The following NAPG variants were observed in gnomAD, a reference collection of about 807,000 sequenced individuals.
NAPG encodes the protein NSF attachment protein gamma.
A neutral mutation model predicts 48.4 loss-of-function variants in NAPG; 25 were observed. The observed-to-expected ratio is 0.52, with a 90% CI of 0.38 to 0.72. The LOEUF is 0.72. Among genes scored for constraint, NAPG ranks in the 30% least tolerant of loss-of-function variants. NAPG has a pLI of 0.00. For synonymous variants in NAPG, 139 were observed against 127.2 expected (o/e 1.09, Z -0.62); for missense variants, 359 against 372.5 (o/e 0.96, Z 0.30).
chr18:10,532,594 C>A, intron 2 of NAPG, 117 bp from the exon 3 acceptor site: 1 of 697,022 alleles, frequency 1.4e-6, no homozygotes, highest in Admixed American at 3.3e-5. Context: ...TTTTAGGATA[C>A]TTCCTAAGTA....
chr18:10,543,186 G>A lies in NAPG; in HGVS notation c.506+2787G>A, dbSNP rs1045368642. Among the ~76,000 whole-genome samples the A allele has an allele frequency of 1.3e-5, 2 of 151,614 alleles. No homozygotes were observed. The highest frequency in any genetic ancestry group is 4.8e-5 in the African/African-American group (2 of 41,268). The stretch of plus-strand genomic sequence containing the variant: ...GAAAAAAAGACCTTTCCAGCAAGTT[G>A]ATCATGACCTTGTGCCTCTGAGAGA... On this transcript the variant is annotated intron_variant, in intron 8 of 11. Transcript: ENST00000322897. The surrounding 1 kb of genome is among the most constrained non-coding windows in gnomAD (Gnocchi z 4.4).
intron 3 of NAPG, 34 bp downstream of exon 3, chr18:10,532,829 A>T: frequency 6.7e-7 from 1 of 1,482,044 alleles, no homozygotes. Context: ...GAAATTAAAC[A>T]ATTAGATGAT....
chr18:10,528,955 A>G (rs913952649), intron 1 of NAPG, among the ~76,000 whole-genome samples: 2 of 152,242 alleles, frequency 1.3e-5, no homozygotes, highest in African/African-American at 2.4e-5. Flanking sequence ...ATCCCCACAC[A>G]GATGGTAATT....
chr18:10,527,200 A>AG, intron 1 of NAPG, among the ~76,000 whole-genome samples: 1 of 150,754 alleles, frequency 6.6e-6, no homozygotes, highest in African/African-American at 2.4e-5. Flanking sequence ...AAAAAAAAAA[A>AG]AAAAAGAAAA....
At chr18:10,530,872 T>G (rs776112527) in intron 2 of NAPG, 35 bp downstream of exon 2, 227 of 1,469,934 alleles carry the variant, frequency 1.5e-4, no homozygotes, top group Non-Finnish European at 2.0e-4. Flanking sequence ...CTCCAGTATG[T>G]AATCTTAAAA....
Position 10,546,388 on chromosome 18 carries a change from A to G in NAPG, c.569A>G (p.Tyr190Cys). Residue 190 changes from tyrosine (Y) to cysteine (C), a missense_variant, in exon 9 of 12, where the codon TAT (tyrosine) becomes TGT (cysteine). Tyr to Cys is a radical substitution (Grantham distance 194). Coordinates refer to ENST00000322897, the MANE Select transcript of NAPG (RefSeq NM_003826.3). This position sits in a 1 kb window ranked among gnomAD's most constrained non-coding sequence, Gnocchi z 4.0. ...AATATTTATAAGGAAATTGAGAATT[A>G]TCCAACTTGTTATAAGGTATTCTTT... ...EKNIYKEIEN[Y>C]PTCYKKTIAQ... 6.4e-7 allele frequency: 1 copy of G among 1,556,834 alleles called. No homozygotes were observed. Among genetic ancestry groups the G allele is most frequent in the Non-Finnish European group, 8.7e-7 (1 of 1,143,228 alleles).
At chr18:10,533,795 T>G (rs1044787757) in intron 4 of NAPG, among the ~76,000 whole-genome samples, 2 of 127,050 alleles carry the variant, frequency 1.6e-5, no homozygotes, top group East Asian at 4.9e-4. Context: ...TTCAGTAGCC[T>G]ATGGGAAAAA....
At chr18:10,549,467 T>C (rs2032341021) in intron 11 of NAPG, among the ~76,000 whole-genome samples, 1 of 152,208 alleles carries the variant, frequency 6.6e-6, no homozygotes, top group South Asian at 2.1e-4. Context: ...TGTAATTCAG[T>C]AGACCTATGA....
intron 2 of NAPG, 137 bp downstream of exon 2, chr18:10,530,974 C>A (rs900595777): frequency 4.4e-6 from 3 of 677,212 alleles, no homozygotes; most frequent in Non-Finnish European, 6.4e-6. Context: ...ACTGTGCAAG[C>A]CCTTGAGTTT....
intron 7 of NAPG, 70 bp from the exon 8 acceptor site, chr18:10,540,259 A>G (rs2032123995): frequency 3.6e-6 from 5 of 1,397,138 alleles, no homozygotes; most frequent in Non-Finnish European, 5.0e-6. Flanking sequence ...TCTTTACAAA[A>G]TAAATATTAG....
rs199992167 is a variant in NAPG at position 10,543,135 on chromosome 18, CAAAAAAAAAA to C, written c.506+2742_506+2751del. 0.024 allele frequency among the ~76,000 whole-genome samples: 2,583 copies of C among 106,420 alleles called. 60 individuals carry two copies. Among genetic ancestry groups the C allele is most frequent in the African/African-American group, 0.077 (2,295 of 29,654 alleles). The allele number at this position is 106,420 out of a possible 152,430, so 69.8% of individuals were successfully genotyped here. ...ACAGGTTGCAGTGAGACTCCCATCT[CAAAAAAAAAA>C]AAAAAGAAAAGAAAAGAAAAAAAGA... is the stretch of plus-strand genomic sequence containing the variant. On this transcript the variant is annotated intron_variant, in intron 8 of 11. Coordinates refer to ENST00000322897, the MANE Select transcript of NAPG (RefSeq NM_003826.3). The surrounding 1 kb of genome is among the most constrained non-coding windows in gnomAD (Gnocchi z 4.4).
chr18:10,552,725 A>G lies in NAPG; in HGVS notation c.*2505A>G, dbSNP rs1322660075. The G allele has an allele frequency of 6.6e-6, 1 of 152,244 alleles. No homozygotes were observed. Among genetic ancestry groups the G allele is most frequent in the Non-Finnish European group, 1.5e-5 (1 of 68,050 alleles). The allele number at this position is 152,244 out of a possible 1,614,324, so 9.4% of individuals were successfully genotyped here. On this transcript the variant is annotated 3_prime_UTR_variant, in exon 12 of 12. Coordinates refer to ENST00000322897, the MANE Select transcript of NAPG (RefSeq NM_003826.3). ...TGGAAATACAGATTATTGCTTCTAT[A>G]GGAAGATAATTATGAAAATAAAACC...
In NAPG at chr18:10,530,763, A is replaced by T; in HGVS notation, c.57-7A>T. On this transcript the variant is annotated splice_polypyrimidine_tract_variant and splice_region_variant and intron_variant, in intron 1 of 11. Coordinates refer to ENST00000322897, the MANE Select transcript of NAPG (RefSeq NM_003826.3). ...AACTCCTGTTAACTGTGTTTTTTTC[A>T]TTCTAGCCTGAAAACTGGTTTTTTA... 1 of 1,548,084 alleles carries T rather than the reference A, an allele frequency of 6.5e-7. No individual in the cohort carries two copies. Among genetic ancestry groups the T allele is most frequent in the African/African-American group, 1.4e-5 (1 of 71,686 alleles).
Position 10,548,823 on chromosome 18 carries a change from C to A in NAPG, c.666-144C>A. The A allele has an allele frequency of 1.0e-6, 1 of 989,664 alleles. No homozygotes were observed. The highest frequency in any genetic ancestry group is 1.5e-6 in the Non-Finnish European group (1 of 688,804). The allele number at this position is 989,664 out of a possible 1,614,324, so 61.3% of individuals were successfully genotyped here. A position where few individuals can be genotyped will look rare whatever the true frequency, so the allele number is the denominator to read the frequency against. On this transcript the variant is annotated intron_variant, in intron 10 of 11. Transcript: ENST00000322897. The surrounding 1 kb of genome is among the most constrained non-coding windows in gnomAD (Gnocchi z 4.4). ...TGGTTAGCGGGATCCCCGGTCTCTG[C>A]CCTCTAGATGCCACTAGCATTCCCA... is the stretch of plus-strand genomic sequence containing the variant.
chr18:10,526,180 G>A lies in NAPG; in HGVS notation c.56+22G>A, dbSNP rs760252952. ...AATAGTGAGTGAGAACCTTCCGGGG[G>A]CCTGTGTGTAGACGCCGGGTCCGTC... On this transcript the variant is annotated intron_variant, in intron 1 of 11. Transcript: ENST00000322897. 3.1e-6 allele frequency: 5 copies of A among 1,607,472 alleles called. No individual in the cohort carries two copies. The African/African-American group carries it at 4.0e-5, about 13-fold the overall frequency.
In NAPG at chr18:10,526,085, AGAGAC is replaced by A. The variant is rs1567885668; in HGVS notation, c.-17_-13del. The A allele has an allele frequency of 1.2e-6, 2 of 1,611,976 alleles. No individual in the cohort carries two copies. Among genetic ancestry groups the A allele is most frequent in the Admixed American group, 3.3e-5 (2 of 60,028 alleles). ...GGCAGGGTCACCCTCTCTCCACGTC[AGAGAC>A]CTGACTGTGGAGATGGCGGCTCAGA... On this transcript the variant is annotated 5_prime_UTR_variant, in exon 1 of 12. Coordinates refer to ENST00000322897, the MANE Select transcript of NAPG (RefSeq NM_003826.3).
At chr18:10,532,271 T>C (rs1489843108) in intron 2 of NAPG, among the ~76,000 whole-genome samples, 1 of 152,200 alleles carries the variant, frequency 6.6e-6, no homozygotes. Flanking sequence ...GAAGGTTTAT[T>C]ATAAAAAACT....
At chr18:10,527,397 G>T (rs774503379) in intron 1 of NAPG, among the ~76,000 whole-genome samples, 1 of 152,182 alleles carries the variant, frequency 6.6e-6, no homozygotes, top group Non-Finnish European at 1.5e-5. Flanking sequence ...TTTTCAAACA[G>T]TGGAAAAACT....
intron 1 of NAPG, among the ~76,000 whole-genome samples, chr18:10,528,840 CAGTG>C (rs1454376225): frequency 6.6e-6 from 1 of 152,106 alleles, no homozygotes; most frequent in African/African-American, 2.4e-5. Context: ...CAGAGTTACT[CAGTG>C]GGTGGTAGGA....
Sources: allele counts gnomAD v4.1 joint callset (sites outside exome capture counted in the v4.1 genomes callset), GRCh38; gene constraint gnomAD v4.1.1; non-coding constraint Gnocchi (gnomAD v3.1); transcripts MANE v1.5; gene names NCBI Gene and HGNC (gene_info 2026-07-23, HGNC 2026-07-21).